The following FAM184A variants were observed in gnomAD, a reference collection of about 807,000 sequenced individuals.
FAM184A encodes family with sequence similarity 184 member A, also known as protein FAM184A.
Under a neutral mutation model 143.8 loss-of-function variants are expected in FAM184A, and 99 were observed. The ratio of observed to expected loss-of-function variants is 0.69; its 90% CI spans 0.58 to 0.81. FAM184A has a LOEUF of 0.81. FAM184A is among the 40% of genes least tolerant of loss of function. The probability of loss-of-function intolerance (pLI) is 0.00; values close to 1 mark genes in which losing one functional copy is unlikely to be tolerated. For synonymous variants in FAM184A, 427 were observed against 446.4 expected, an observed-to-expected ratio of 0.96 and a Z score of 0.55; for missense variants, 1,217 against 1,310.5, an observed-to-expected ratio of 0.93 and a Z score of 1.10.
At chr6:119,062,306 T>C (rs1399153566) in intron 1 of FAM184A, among the ~76,000 whole-genome samples, 1 of 152,202 alleles carries the variant, frequency 6.6e-6, no homozygotes, top group African/African-American at 2.4e-5. Context: ...TTCAGTTTAA[T>C]TGTTTTTGTT....
intron 1 of FAM184A, among the ~76,000 whole-genome samples, chr6:119,141,643 G>A (rs680349): frequency 0.064 from 9,666 of 151,984 alleles, 1,019 homozygotes; most frequent in African/African-American, 0.22. Flanking sequence ...TGCCCGGCTA[G>A]TTTTTGTATT....
intron 1 of FAM184A, among the ~76,000 whole-genome samples, chr6:119,089,214 A>ATTTATTTT (rs1788307904): frequency 1.8e-5 from 2 of 110,476 alleles, no homozygotes; most frequent in African/African-American, 6.9e-5. Context: ...TTATTTTTTT[A>ATTTATTTT]TTTTTTTGAG....
chr6:118,976,853 G>A (rs1033518177), intron 11 of FAM184A, among the ~76,000 whole-genome samples: 7 of 152,018 alleles, frequency 4.6e-5, no homozygotes, highest in Non-Finnish European at 1.0e-4. Flanking sequence ...AAACCAGAAT[G>A]AGTTATCACA....
intron 1 of FAM184A, among the ~76,000 whole-genome samples, chr6:119,144,974 G>T (rs530582317): frequency 6.6e-6 from 1 of 152,292 alleles, no homozygotes; most frequent in East Asian, 1.9e-4. Flanking sequence ...ACATCATCGC[G>T]TTATGTGATA....
intron 1 of FAM184A, among the ~76,000 whole-genome samples, chr6:119,099,963 A>G: frequency 6.6e-6 from 1 of 152,202 alleles, no homozygotes; most frequent in Non-Finnish European, 1.5e-5. Flanking sequence ...CACTGGTGAA[A>G]GAACCTGGGC....
chr6:119,137,892 T>G (rs745436554), intron 1 of FAM184A, among the ~76,000 whole-genome samples: 3 of 152,208 alleles, frequency 2.0e-5, no homozygotes, highest in Non-Finnish European at 2.9e-5. Context: ...TTTGTAGTGT[T>G]TCCTCTTCTG....
At chr6:119,112,393 G>A (rs1788956493) in intron 1 of FAM184A, among the ~76,000 whole-genome samples, 1 of 152,200 alleles carries the variant, frequency 6.6e-6, no homozygotes, top group South Asian at 2.1e-4. Context: ...CTCCCAAAGT[G>A]CTGGGATTAC....
chr6:119,098,126 TC>T (rs1788554999), intron 1 of FAM184A, among the ~76,000 whole-genome samples: 1 of 152,106 alleles, frequency 6.6e-6, no homozygotes, highest in Non-Finnish European at 1.5e-5. Flanking sequence ...GGGAGTGGTT[TC>T]CCCCATACTG....
intron 1 of FAM184A, among the ~76,000 whole-genome samples, chr6:119,138,841 G>A (rs922885067): frequency 6.6e-6 from 1 of 152,132 alleles, no homozygotes; most frequent in Non-Finnish European, 1.5e-5. Context: ...TGGTCAGGCT[G>A]GTCTTGAACT....
chr6:118,986,921 A>T (rs564755824), intron 9 of FAM184A, among the ~76,000 whole-genome samples: 12 of 152,326 alleles, frequency 7.9e-5, no homozygotes, highest in African/African-American at 2.6e-4. Flanking sequence ...CAACACTGAG[A>T]TAAATGTTTG....
Position 119,096,585 on chromosome 6 carries a change from G to A in FAM184A, c.-202+52493C>T, listed in dbSNP as rs1429791814. ...CGGGAGGCGGAGCTTGCAGTGAGCC[G>A]AGATTGCGCCACTGCAGTCCGCAGT... On this transcript the variant is annotated intron_variant, in intron 1 of 16. Transcript: ENST00000352896. Among the ~76,000 whole-genome samples, 3 of 30,164 alleles carry A rather than the reference G, an allele frequency of 9.9e-5. 1 individual carries two copies. Among genetic ancestry groups the A allele is most frequent in the Admixed American group, 5.3e-4 (1 of 1,882 alleles). The allele number at this position is 30,164 out of a possible 152,430, so 19.8% of individuals were successfully genotyped here.
intron 1 of FAM184A, among the ~76,000 whole-genome samples, chr6:119,124,921 T>A (rs376711866): frequency 6.6e-6 from 1 of 152,214 alleles, no homozygotes; most frequent in East Asian, 1.9e-4. Context: ...AAAATGCATA[T>A]GTGCTTACTT....
chr6:118,974,611 T>C, intron 13 of FAM184A, 37 bp from the exon 14 acceptor site: 2 of 1,536,492 alleles, frequency 1.3e-6, no homozygotes, highest in Non-Finnish European at 1.8e-6. Flanking sequence ...AATGTTATTC[T>C]GAAGTCAAGC....
chr6:119,006,247 T>C, intron 7 of FAM184A, 200 bp downstream of exon 7: 1 of 752,760 alleles, frequency 1.3e-6, no homozygotes, highest in South Asian at 1.4e-5. Flanking sequence ...ACCTTGATGT[T>C]GGACTTCTAG....
At chr6:119,022,186 T>A (rs1266074848) in intron 3 of FAM184A, among the ~76,000 whole-genome samples, 1 of 151,296 alleles carries the variant, frequency 6.6e-6, no homozygotes, top group Non-Finnish European at 1.5e-5. Context: ...GCCTCCTTAG[T>A]AGCTGGAATT....
chr6:119,093,091 T>C (rs1326207833), intron 1 of FAM184A, among the ~76,000 whole-genome samples: 2 of 152,178 alleles, frequency 1.3e-5, no homozygotes, highest in Admixed American at 6.5e-5. Flanking sequence ...CCTAGAAGGC[T>C]CAATTCTGTG....
intron 2 of FAM184A, 48 bp downstream of exon 2, chr6:119,023,911 T>G: frequency 6.7e-7 from 1 of 1,497,086 alleles, no homozygotes; most frequent in Non-Finnish European, 8.9e-7. Context: ...AACAAATATT[T>G]TTAAAAGAAA....
At chr6:119,006,824 C>T (rs1044372044) in intron 6 of FAM184A, among the ~76,000 whole-genome samples, 4 of 151,880 alleles carry the variant, frequency 2.6e-5, no homozygotes, top group Non-Finnish European at 4.4e-5. Context: ...TTCATGACAA[C>T]CATGTAAAGG....
chr6:118,971,706 A>G (rs1335811699), intron 14 of FAM184A, among the ~76,000 whole-genome samples: 1 of 152,216 alleles, frequency 6.6e-6, no homozygotes, highest in Non-Finnish European at 1.5e-5. Context: ...CCAGCACCAA[A>G]GCGGATTTGT....
Sources: allele counts gnomAD v4.1 joint callset (sites outside exome capture counted in the v4.1 genomes callset), GRCh38; gene constraint gnomAD v4.1.1; transcripts MANE v1.5; gene names NCBI Gene and HGNC (gene_info 2026-07-23, HGNC 2026-07-21).